Variants in UNC13C observed in about 807,000 individuals in gnomAD.
UNC13C encodes unc-13 homolog C.
A neutral mutation model predicts 245.4 loss-of-function variants in UNC13C; 174 were observed. The observed-to-expected ratio is 0.71, with a 90% CI of 0.63 to 0.80. The LOEUF is 0.80. Ranked by LOEUF, UNC13C falls within the 30% of genes least tolerant of loss-of-function variation. The pLI, the probability that UNC13C is intolerant of heterozygous loss-of-function variation, is 0.00. For synonymous variants in UNC13C, 992 were observed against 895.1 expected (o/e 1.11, Z -1.93); for missense variants, 2,829 against 2,602.9 (o/e 1.09, Z -1.89).
At chr15:54,252,928 C>G (rs1298157170) in intron 8 of UNC13C, among the ~76,000 whole-genome samples, 1 of 152,148 alleles carries the variant, frequency 6.6e-6, no homozygotes, top group African/African-American at 2.4e-5. Context: ...GGAGTCTTTC[C>G]TTGTAATTTC....
intron 2 of UNC13C, among the ~76,000 whole-genome samples, chr15:54,070,907 A>G (rs1335529696): frequency 6.6e-6 from 1 of 152,216 alleles, no homozygotes; most frequent in Non-Finnish European, 1.5e-5. Flanking sequence ...AATAGACCAC[A>G]CTATCATTCA....
chr15:54,245,600 T>A (rs1455146796), intron 7 of UNC13C, among the ~76,000 whole-genome samples: 1 of 152,160 alleles, frequency 6.6e-6, no homozygotes, highest in African/African-American at 2.4e-5. Flanking sequence ...ATGTCTGTTT[T>A]TATAGTCAGG....
chr15:54,586,253 T>TGGAAAGAATCCAGAACTGAAAA (rs1898485643), intron 30 of UNC13C, among the ~76,000 whole-genome samples: 1 of 152,226 alleles, frequency 6.6e-6, no homozygotes, highest in Non-Finnish European at 1.5e-5. Flanking sequence ...ATGGAGAACA[T>TGGAAAGAATCCAGAACTGAAAA]ATTAGTCATA....
chr15:54,002,154 C>T (rs754427774), intron 1 of UNC13C, among the ~76,000 whole-genome samples: 8 of 152,176 alleles, frequency 5.3e-5, no homozygotes, highest in East Asian at 3.9e-4. Context: ...GGCGTGGTGG[C>T]GGGCACCTGT....
chr15:54,146,417 T>C (rs1163555912), intron 4 of UNC13C, among the ~76,000 whole-genome samples: 1 of 152,178 alleles, frequency 6.6e-6, no homozygotes, highest in Admixed American at 6.5e-5. Flanking sequence ...TAATAAACTA[T>C]ATACACTGAA....
intron 4 of UNC13C, among the ~76,000 whole-genome samples, chr15:54,147,997 G>A (rs938794998): frequency 4.6e-5 from 7 of 152,120 alleles, no homozygotes; most frequent in Admixed American, 2.0e-4. Flanking sequence ...TCCTTGAGCC[G>A]ATGTGAAATT....
the UNC13C span, among the ~76,000 whole-genome samples, chr15:53,952,009 A>G: frequency 4.6e-5 from 7 of 152,162 alleles, no homozygotes; most frequent in African/African-American, 1.7e-4. Flanking sequence ...AGTGCTTTGC[A>G]TAGCATCCTA....
chr15:54,039,155 C>G (rs1230413797), intron 2 of UNC13C, among the ~76,000 whole-genome samples: 1 of 152,170 alleles, frequency 6.6e-6, no homozygotes, highest in Non-Finnish European at 1.5e-5. Context: ...TGTCCAGTCT[C>G]ATCGAGATTG....
At chr15:54,168,946 C>T (rs1194967980) in intron 4 of UNC13C, among the ~76,000 whole-genome samples, 1 of 152,030 alleles carries the variant, frequency 6.6e-6, no homozygotes, top group Non-Finnish European at 1.5e-5. Flanking sequence ...TGGAAAAATG[C>T]TAAGGGTGTG....
chr15:54,474,321 G>A lies in UNC13C; in HGVS notation c.4934-20287G>A, dbSNP rs565371675. The stretch of plus-strand genomic sequence containing the variant: ...AGTGTAAGAGTTCTTTTTTCTCTGC[G>A]TCCTCACCAGCATCTGCTATTTTTT... On this transcript the variant is annotated intron_variant, in intron 19 of 32. Transcript: ENST00000260323. Among the ~76,000 whole-genome samples, 352 of 151,644 alleles carry A rather than the reference G, an allele frequency of 2.3e-3. 2 individuals are homozygous for A. Among genetic ancestry groups the A allele is most frequent in the African/African-American group, 8.0e-3 (331 of 41,384 alleles).
At position 54,608,242 on chromosome 15, in the gene UNC13C, C is replaced by T. The variant is rs527850775; in HGVS notation, c.6107-14085C>T. 1.2e-3 allele frequency among the ~76,000 whole-genome samples: 184 copies of T among 152,164 alleles called. 1 individual carries two copies. The highest frequency in any genetic ancestry group is 1.9e-3 in the Non-Finnish European group (127 of 67,982). On this transcript the variant is annotated intron_variant, in intron 30 of 32. Coordinates refer to ENST00000260323, the MANE Select transcript of UNC13C (RefSeq NM_001080534.3). ...TCTTACTCAAATAAAAACAAAAAGA[C>T]GTAAAGGAATTAACATTTATAAGCA...
At chr15:54,106,487 A>G (rs566477855) in intron 2 of UNC13C, among the ~76,000 whole-genome samples, 1 of 152,348 alleles carries the variant, frequency 6.6e-6, no homozygotes, top group South Asian at 2.1e-4. Flanking sequence ...ACACAAAATG[A>G]CTTGCAGTGA....
chr15:54,351,165 T>A (rs2038973956), intron 17 of UNC13C, among the ~76,000 whole-genome samples: 1 of 152,150 alleles, frequency 6.6e-6, no homozygotes, highest in Non-Finnish European at 1.5e-5. Flanking sequence ...AATTTTTTTT[T>A]ACAATTGTTT....
chr15:54,177,495 A>C lies in UNC13C; in HGVS notation c.3071+33811A>C, dbSNP rs186005926. On this transcript the variant is annotated intron_variant, in intron 4 of 32. Coordinates refer to ENST00000260323, the MANE Select transcript of UNC13C (RefSeq NM_001080534.3). ...AGGTAGGCATTATATCTCCAGCACA[A>C]GTCAGTAGTCTCTCTTCACTAAGAG... 1.1e-4 allele frequency among the ~76,000 whole-genome samples: 16 copies of C among 152,282 alleles called. No homozygotes were observed. The East Asian group carries it at 2.7e-3, about 26-fold the overall frequency.
intron 19 of UNC13C, among the ~76,000 whole-genome samples, chr15:54,475,263 G>C (rs189830584): frequency 3.2e-4 from 48 of 149,064 alleles, no homozygotes; most frequent in African/African-American, 1.1e-3. Context: ...TGTATAGTGA[G>C]AGGGGTATGG....
chr15:53,991,421 G>T (rs534012885), intron 1 of UNC13C, among the ~76,000 whole-genome samples: 1 of 151,950 alleles, frequency 6.6e-6, no homozygotes, highest in Non-Finnish European at 1.5e-5. Flanking sequence ...AGCAGAAAAA[G>T]TCCAATGTGA....
intron 19 of UNC13C, among the ~76,000 whole-genome samples, chr15:54,484,531 ATAAC>A (rs144066534): frequency 0.03 from 4,511 of 152,316 alleles, 178 homozygotes; most frequent in Admixed American, 0.12. Context: ...AAGTAAGTAA[ATAAC>A]TATTCCTGCC....
At chr15:54,510,093 A>G (rs667292) in intron 23 of UNC13C, among the ~76,000 whole-genome samples, 20,810 of 152,142 alleles carry the variant, frequency 0.14, 1,470 homozygotes, top group Non-Finnish European at 0.16. Flanking sequence ...ACATGTGACA[A>G]TAAAGATTAG....
At chr15:54,219,628 A>G (rs2035158512) in intron 4 of UNC13C, among the ~76,000 whole-genome samples, 2 of 150,894 alleles carry the variant, frequency 1.3e-5, no homozygotes, top group African/African-American at 4.9e-5. Flanking sequence ...GAGCTTCTGC[A>G]CAGCAAAAGA....
Sources: gnomAD v4.1 joint callset for allele counts (sites outside exome capture counted in the v4.1 genomes callset) on GRCh38, gnomAD v4.1.1 for gene constraint, MANE v1.5 for transcripts, NCBI Gene and HGNC (gene_info 2026-07-23, HGNC 2026-07-21) for gene names.